Variants in PLPPR1 observed in about 807,000 individuals in gnomAD.
The protein encoded by PLPPR1 is phospholipid phosphatase-related protein type 1.
A neutral mutation model predicts 33.1 loss-of-function variants in PLPPR1; 10 were observed. The observed-to-expected ratio is 0.30, with a 90% CI of 0.19 to 0.51. The LOEUF (loss-of-function observed/expected upper bound fraction) is 0.51. Among genes scored for constraint, PLPPR1 ranks in the 20% least tolerant of loss-of-function variants. PLPPR1 has a pLI of 0.97. For missense variants in PLPPR1, 304 were observed against 408.1 expected (o/e 0.74, Z 2.20); for synonymous variants, 151 against 151.0 (o/e 1.00, Z 0.00).
chr9:101,137,190 C>T (rs1015783461), intron 1 of PLPPR1, among the ~76,000 whole-genome samples: 4 of 152,114 alleles, frequency 2.6e-5, no homozygotes, highest in Non-Finnish European at 4.4e-5. Context: ...GTCTTAAGAG[C>T]ATTCAGAGAA....
At position 101,238,411 on chromosome 9, in the gene PLPPR1, G is replaced by GTA. The variant is rs373210856; in HGVS notation, c.64-31457_64-31456dup. ...ATATATGATGGAATTGTGTGTGTGT[G>GTA]TATATATATATATGCACACAATGGA... is the stretch of plus-strand genomic sequence containing the variant. On this transcript the variant is annotated intron_variant, in intron 2 of 7. Coordinates refer to ENST00000374874, the MANE Select transcript of PLPPR1 (RefSeq NM_207299.2). Among the ~76,000 whole-genome samples, 559 of 144,880 alleles carry GTA rather than the reference G, an allele frequency of 3.9e-3. 6 individuals carry two copies. The highest frequency in any genetic ancestry group is 0.013 in the African/African-American group (514 of 39,346).
At position 101,242,455 on chromosome 9, in the gene PLPPR1, G is replaced by T. The variant is rs28569027; in HGVS notation, c.64-27425G>T. 4.4e-3 allele frequency among the ~76,000 whole-genome samples: 666 copies of T among 152,056 alleles called. 4 individuals are homozygous for T. Among genetic ancestry groups the T allele is most frequent in the African/African-American group, 0.016 (646 of 41,522 alleles). On this transcript the variant is annotated intron_variant, in intron 2 of 7. Coordinates refer to ENST00000374874, the MANE Select transcript of PLPPR1 (RefSeq NM_207299.2). The stretch of plus-strand genomic sequence containing the variant: ...AGTGCTTGCTCTCAATTCTATTACA[G>T]TAGATACTGTTAAAATTCTTTTTGA...
chr9:101,221,530 A>AAGGGGAAAAGAAAGGAACTT (rs1826938760), intron 2 of PLPPR1, among the ~76,000 whole-genome samples: 1 of 152,124 alleles, frequency 6.6e-6, no homozygotes, highest in Admixed American at 6.5e-5. Context: ...TTCATTCTTC[A>AAGGGGAAAAGAAAGGAACTT]AGGGGAAAAG....
At chr9:101,072,147 G>C (rs1023151766) in intron 1 of PLPPR1, among the ~76,000 whole-genome samples, 14 of 152,120 alleles carry the variant, frequency 9.2e-5, no homozygotes, top group Admixed American at 8.5e-4. Flanking sequence ...TATCCCTACA[G>C]TCTAGCGTCA....
chr9:101,088,202 T>C (rs569364319), intron 1 of PLPPR1, among the ~76,000 whole-genome samples: 11 of 152,276 alleles, frequency 7.2e-5, no homozygotes, highest in African/African-American at 2.4e-4. Flanking sequence ...ACGGTGCAGG[T>C]ATGTCCAGAT....
chr9:101,303,192 C>T (rs1028548329), intron 4 of PLPPR1, among the ~76,000 whole-genome samples: 4 of 151,912 alleles, frequency 2.6e-5, no homozygotes, highest in African/African-American at 9.7e-5. Flanking sequence ...TCATGCTGGC[C>T]AGGCTGGTCT....
At chr9:101,177,608 T>A (rs1254184070) in intron 1 of PLPPR1, among the ~76,000 whole-genome samples, 1 of 152,214 alleles carries the variant, frequency 6.6e-6, no homozygotes, top group South Asian at 2.1e-4. Context: ...TGCTGCTCCA[T>A]ATGGCCAACC....
At chr9:101,206,476 C>CAG (rs756220228) in intron 2 of PLPPR1, among the ~76,000 whole-genome samples, 1 of 152,170 alleles carries the variant, frequency 6.6e-6, no homozygotes, top group Non-Finnish European at 1.5e-5. Flanking sequence ...AGCTTTCTCC[C>CAG]AGAGTCTGAG....
chr9:101,238,715 A>G (rs1827385514), intron 2 of PLPPR1, among the ~76,000 whole-genome samples: 1 of 151,806 alleles, frequency 6.6e-6, no homozygotes, highest in African/African-American at 2.4e-5. Flanking sequence ...GTAGGCTAAA[A>G]GCCCAGACTT....
At chr9:101,214,582 T>C (rs1422057072) in intron 2 of PLPPR1, among the ~76,000 whole-genome samples, 2 of 152,196 alleles carry the variant, frequency 1.3e-5, no homozygotes, top group African/African-American at 2.4e-5. Context: ...TAAAGAACAT[T>C]TTGCTCAATT....
chr9:101,151,247 C>T (rs1230889057), intron 1 of PLPPR1, among the ~76,000 whole-genome samples: 1 of 151,916 alleles, frequency 6.6e-6, no homozygotes, highest in Non-Finnish European at 1.5e-5. Context: ...TCTTTGGAAC[C>T]CTTCTCAGAT....
chr9:101,189,418 A>G (rs1262376538), intron 2 of PLPPR1, among the ~76,000 whole-genome samples: 1 of 152,094 alleles, frequency 6.6e-6, no homozygotes, highest in South Asian at 2.1e-4. Context: ...AATGTTTCTT[A>G]TCACACTTAA....
At chr9:101,181,008 T>A (rs1826100272) in intron 1 of PLPPR1, among the ~76,000 whole-genome samples, 1 of 151,340 alleles carries the variant, frequency 6.6e-6, no homozygotes, top group Non-Finnish European at 1.5e-5. Flanking sequence ...ATTTAAAATA[T>A]ATGAAGAACT....
intron 2 of PLPPR1, among the ~76,000 whole-genome samples, chr9:101,217,720 C>G (rs927495513): frequency 1.3e-5 from 2 of 152,104 alleles, no homozygotes; most frequent in Non-Finnish European, 2.9e-5. Context: ...TTTGTTGATT[C>G]TTTGTCTATA....
At chr9:101,197,040 G>T (rs1826409990) in intron 2 of PLPPR1, among the ~76,000 whole-genome samples, 1 of 152,142 alleles carries the variant, frequency 6.6e-6, no homozygotes, top group Non-Finnish European at 1.5e-5. Flanking sequence ...TAAAACACCA[G>T]CATCTATTGC....
intron 1 of PLPPR1, among the ~76,000 whole-genome samples, chr9:101,080,035 G>A (rs1830599352): frequency 6.6e-6 from 1 of 152,136 alleles, no homozygotes; most frequent in African/African-American, 2.4e-5. Context: ...CATTAGGCTA[G>A]TCAGAGCTTT....
At chr9:101,258,414 T>C (rs1417643801) in intron 2 of PLPPR1, among the ~76,000 whole-genome samples, 4 of 152,148 alleles carry the variant, frequency 2.6e-5, no homozygotes, top group Non-Finnish European at 5.9e-5. Flanking sequence ...CTCTCATCCC[T>C]CTGAGGGGCT....
At chr9:101,067,408 TG>T (rs1329952393) in intron 1 of PLPPR1, among the ~76,000 whole-genome samples, 12 of 152,036 alleles carry the variant, frequency 7.9e-5, no homozygotes, top group Non-Finnish European at 1.8e-4. Context: ...AAAACAAATA[TG>T]GTTCTTGCCC....
chr9:101,110,902 C>G (rs903178536), intron 1 of PLPPR1, among the ~76,000 whole-genome samples: 1 of 152,080 alleles, frequency 6.6e-6, no homozygotes, highest in African/African-American at 2.4e-5. Flanking sequence ...ATGGGAATAA[C>G]TAGGTATGTG....
Sources: gnomAD v4.1 joint callset for allele counts (sites outside exome capture counted in the v4.1 genomes callset) on GRCh38, gnomAD v4.1.1 for gene constraint, MANE v1.5 for transcripts, NCBI Gene and HGNC (gene_info 2026-07-23, HGNC 2026-07-21) for gene names.